Variants in GLI2 observed in about 807,000 individuals in gnomAD.
The protein encoded by GLI2 is GLI family zinc finger 2.
A neutral mutation model predicts 78.9 loss-of-function variants in GLI2; 22 were observed. The observed-to-expected ratio is 0.28, with a 90% CI of 0.20 to 0.40. The LOEUF (loss-of-function observed/expected upper bound fraction) is 0.40. Among genes scored for constraint, GLI2 ranks in the 10% least tolerant of loss-of-function variants. The pLI is 1.00. For synonymous variants in GLI2, 974 were observed against 963.7 expected, an observed-to-expected ratio of 1.01 and a Z score of -0.20; for missense variants, 2,097 against 2,213.2, an observed-to-expected ratio of 0.95 and a Z score of 1.05.
At chr2:120,925,392 A>G (rs149731168) in intron 2 of GLI2, among the ~76,000 whole-genome samples, 7 of 152,346 alleles carry the variant, frequency 4.6e-5, no homozygotes, top group African/African-American at 1.7e-4. Context: ...CCCATTAAGA[A>G]TCCATTGTGT....
chr2:120,879,600 ACT>A (rs1319428947), intron 2 of GLI2, among the ~76,000 whole-genome samples: 2 of 152,040 alleles, frequency 1.3e-5, no homozygotes, highest in Non-Finnish European at 2.9e-5. Flanking sequence ...GCTGGACAGC[ACT>A]CTCAGGTGAC....
chr2:120,916,216 G>A (rs1201635425), intron 2 of GLI2, among the ~76,000 whole-genome samples: 1 of 152,218 alleles, frequency 6.6e-6, no homozygotes. Flanking sequence ...GCTTCATCAT[G>A]TACCTCTTAC....
At chr2:120,827,325 G>T (rs1686121485) in intron 2 of GLI2, among the ~76,000 whole-genome samples, 1 of 152,186 alleles carries the variant, frequency 6.6e-6, no homozygotes, top group South Asian at 2.1e-4. Context: ...AGTCAGTGGG[G>T]ATTCATACCC....
At position 120,778,860 on chromosome 2, in the gene GLI2, G is replaced by T. The variant is rs562148144; in HGVS notation, c.-30-18431G>T. Reference sequence around the variant, plus strand: ...TGCTTCCGGCTTTGCCAGTGGAAGTGCTGGGTTGAACCAGAGGAAGGTGTA... The same window carrying T: ...TGCTTCCGGCTTTGCCAGTGGAAGTTCTGGGTTGAACCAGAGGAAGGTGTA... On this transcript the variant is annotated intron_variant, in intron 1 of 13. Transcript: ENST00000361492. Among the ~76,000 whole-genome samples, 4 of 152,342 alleles carry T rather than the reference G, an allele frequency of 2.6e-5. No individual in the cohort carries two copies. The South Asian group carries it at 8.3e-4, about 32-fold the overall frequency.
intron 1 of GLI2, among the ~76,000 whole-genome samples, chr2:120,787,000 A>T (rs949965497): frequency 1.3e-5 from 2 of 152,212 alleles, no homozygotes; most frequent in African/African-American, 2.4e-5. Context: ...ACAAACATTG[A>T]TGGTGTCTGT....
chr2:120,955,388 G>A lies in GLI2; in HGVS notation c.601G>A (p.Ala201Thr). 1.2e-6 allele frequency: 2 copies of A among 1,612,002 alleles called. No individual in the cohort carries two copies. The highest frequency in any genetic ancestry group is 8.5e-7 in the Non-Finnish European group (1 of 1,178,724). ...GDLLMQSGGA[A>T]SAPHLHDYLN... ...CCTGCTGATGCAGAGCGGGGGCGCT[G>A]CCAGCGCACCCCATCTCCACGACTA... Residue 201 changes from alanine to threonine, a missense_variant, in exon 5 of 14, where the codon GCC (alanine) becomes ACC (threonine). Around this residue, in one of 5 missense-constraint regions of GLI2, gnomAD observed 578 missense variants for 612.0 expected, o/e 0.94. Transcript: ENST00000361492.
In GLI2 at chr2:120,925,961, T is replaced by C. The variant is rs545910614; in HGVS notation, c.149-1400T>C. 2.7e-4 allele frequency among the ~76,000 whole-genome samples: 40 copies of C among 149,994 alleles called. No individual in the cohort carries two copies. In the Middle Eastern group the frequency reaches 0.017, roughly 65 times the overall value. ...GGTGTCGGGCACCTGTGGTCCCAGC[T>C]ACTCGGGAGGCTGAGGCAGGAGAAT... On this transcript the variant is annotated intron_variant, in intron 2 of 13. Transcript: ENST00000361492.
chr2:120,939,600 G>C (rs553217030), intron 3 of GLI2, among the ~76,000 whole-genome samples: 1 of 152,142 alleles, frequency 6.6e-6, no homozygotes, highest in Non-Finnish European at 1.5e-5. Flanking sequence ...CATACTCCAC[G>C]TTCTTCCGAA....
chr2:120,759,497 G>T (rs1471102323), intron 1 of GLI2, among the ~76,000 whole-genome samples: 1 of 152,188 alleles, frequency 6.6e-6, no homozygotes, highest in East Asian at 1.9e-4. Context: ...ACTTCTGTTT[G>T]CTGGCTTATT....
At chr2:120,956,513 C>T (rs1349449651) in intron 5 of GLI2, among the ~76,000 whole-genome samples, 2 of 152,106 alleles carry the variant, frequency 1.3e-5, no homozygotes, top group African/African-American at 4.8e-5. Flanking sequence ...GAGTGGAAGG[C>T]TCAGCACCCC....
chr2:120,834,154 G>A (rs1259124128), intron 2 of GLI2, among the ~76,000 whole-genome samples: 1 of 152,212 alleles, frequency 6.6e-6, no homozygotes, highest in Non-Finnish European at 1.5e-5. Context: ...GGTGAGGCCA[G>A]TAGAGCAGGG....
chr2:120,909,728 G>A (rs1215788955), intron 2 of GLI2, among the ~76,000 whole-genome samples: 1 of 152,184 alleles, frequency 6.6e-6, no homozygotes. Flanking sequence ...AGCCGGGAGT[G>A]GTGGTGGGCG....
chr2:120,925,425 G>A (rs1416418502), intron 2 of GLI2, among the ~76,000 whole-genome samples: 3 of 152,210 alleles, frequency 2.0e-5, no homozygotes, highest in Non-Finnish European at 4.4e-5. Flanking sequence ...TCCATTGACA[G>A]ATGAGTGGAC....
At chr2:120,760,914 G>A (rs950106510) in intron 1 of GLI2, among the ~76,000 whole-genome samples, 2 of 152,162 alleles carry the variant, frequency 1.3e-5, no homozygotes, top group African/African-American at 4.8e-5. Context: ...GCCCTCTTGC[G>A]CAATCCTGCT....
At chr2:120,814,905 G>A (rs1685424092) in intron 2 of GLI2, among the ~76,000 whole-genome samples, 2 of 151,914 alleles carry the variant, frequency 1.3e-5, no homozygotes, top group Non-Finnish European at 2.9e-5. Context: ...GCCTCTTGGA[G>A]GATGAGGTCA....
chr2:120,928,693 G>A lies in GLI2; in HGVS notation c.254+1227G>A, dbSNP rs181812592. The stretch of plus-strand genomic sequence containing the variant: ...TGTGCCTCAGCAGAGTCCTGTTTCC[G>A]GACACCCATTGCCTCCCCAAGACGG... On this transcript the variant is annotated intron_variant, in intron 3 of 13. Coordinates refer to ENST00000361492, the MANE Select transcript of GLI2 (RefSeq NM_001374353.1). 2.3e-3 allele frequency among the ~76,000 whole-genome samples: 346 copies of A among 152,230 alleles called. 1 individual carries two copies. The highest frequency in any genetic ancestry group is 8.0e-3 in the African/African-American group (334 of 41,534).
chr2:120,746,802 T>A (rs80099115), intron 1 of GLI2, among the ~76,000 whole-genome samples: 1 of 152,194 alleles, frequency 6.6e-6, no homozygotes, highest in Non-Finnish European at 1.5e-5. Flanking sequence ...CTAGTCTCTG[T>A]TTTTTAATAT....
chr2:120,972,529 G>A, intron 8 of GLI2: 1 of 454,274 alleles, frequency 2.2e-6, no homozygotes, highest in South Asian at 1.6e-5. Context: ...TGAGCTCCAG[G>A]CCCACACACC....
At chr2:120,915,641 C>G (rs1363282302) in intron 2 of GLI2, among the ~76,000 whole-genome samples, 1 of 152,126 alleles carries the variant, frequency 6.6e-6, no homozygotes. Flanking sequence ...TCCTCATTTG[C>G]GAACGAACAC....
Sources: gnomAD v4.1 joint callset for allele counts (sites outside exome capture counted in the v4.1 genomes callset) on GRCh38, gnomAD v4.1.1 for gene constraint, gnomAD v4.1.1 regional missense constraint, MANE v1.5 for transcripts, NCBI Gene and HGNC (gene_info 2026-07-23, HGNC 2026-07-21) for gene names.